Variants in STK3 observed in about 807,000 individuals in gnomAD.
STK3 encodes serine/threonine kinase 3, also known as serine/threonine-protein kinase 3.
In STK3, 41 loss-of-function variants were observed where a neutral mutation model predicts 58.0. That is an observed-to-expected ratio of 0.71 (90% CI 0.55 to 0.92). The LOEUF is 0.92. Among genes scored for constraint, STK3 ranks in the 40% least tolerant of loss-of-function variants. The pLI is 0.00. For missense variants in STK3, 479 were observed against 602.7 expected, an observed-to-expected ratio of 0.79 and a Z score of 2.15; for synonymous variants, 170 against 191.0, an observed-to-expected ratio of 0.89 and a Z score of 0.91.
chr8:98,403,819 C>T (rs1817967663), intron 3 of STK3, among the ~76,000 whole-genome samples: 1 of 152,264 alleles, frequency 6.6e-6, no homozygotes. Context: ...CCCTCCAGTG[C>T]TCTGGTAAGT....
chr8:98,658,011 T>C (rs892143539), intron 6 of STK3, among the ~76,000 whole-genome samples: 1 of 151,984 alleles, frequency 6.6e-6, no homozygotes, highest in Admixed American at 6.6e-5. Context: ...TAAAGTCACA[T>C]AATAGGAAAA....
At chr8:98,346,988 T>C in the STK3 span, among the ~76,000 whole-genome samples, 1 of 151,762 alleles carries the variant, frequency 6.6e-6, no homozygotes, top group Non-Finnish European at 1.5e-5. Context: ...TATTGTAGGG[T>C]TTACAATATA....
chr8:98,527,781 C>A (rs750722507), intron 9 of STK3, among the ~76,000 whole-genome samples: 1 of 152,172 alleles, frequency 6.6e-6, no homozygotes, highest in African/African-American at 2.4e-5. Flanking sequence ...ACACTTACAT[C>A]CATGTCTCCC....
intron 6 of STK3, among the ~76,000 whole-genome samples, chr8:98,696,139 G>T (rs1419028169): frequency 6.6e-6 from 1 of 152,204 alleles, no homozygotes; most frequent in Non-Finnish European, 1.5e-5. Flanking sequence ...GTGAATGGGA[G>T]TTCACTCATG....
chr8:98,674,965 T>G (rs925175243), intron 6 of STK3, among the ~76,000 whole-genome samples: 1 of 151,750 alleles, frequency 6.6e-6, no homozygotes, highest in African/African-American at 2.4e-5. Context: ...AATTTTAATA[T>G]GGAATTAAAT....
chr8:98,388,109 A>T (rs1817811409), intron 1 of STK3: 1 of 152,148 alleles, frequency 6.6e-6, no homozygotes, highest in Non-Finnish European at 1.5e-5. Flanking sequence ...AAACAAACTA[A>T]TCAGTTACCT....
chr8:98,576,080 G>C (rs1361453457), intron 8 of STK3, among the ~76,000 whole-genome samples: 6 of 152,278 alleles, frequency 3.9e-5, no homozygotes, highest in African/African-American at 1.4e-4. Flanking sequence ...TGCTGTATTT[G>C]ATAAAACATA....
At chr8:98,441,031 A>G (rs1046145311) in intron 1 of STK3, among the ~76,000 whole-genome samples, 1 of 152,196 alleles carries the variant, frequency 6.6e-6, no homozygotes, top group Non-Finnish European at 1.5e-5. Context: ...GTCTAGAGTC[A>G]TTGCATTTTA....
intron 10 of STK3, among the ~76,000 whole-genome samples, chr8:98,520,475 G>A (rs1825269376): frequency 6.6e-6 from 1 of 152,136 alleles, no homozygotes; most frequent in Non-Finnish European, 1.5e-5. Flanking sequence ...TCTAGCAGGT[G>A]CCTTTCCGAA....
chr8:98,622,981 C>T (rs952958253), intron 6 of STK3, among the ~76,000 whole-genome samples: 10 of 151,714 alleles, frequency 6.6e-5, no homozygotes, highest in Non-Finnish European at 1.2e-4. Flanking sequence ...ATTTACATAC[C>T]GATAAAAGAA....
At chr8:98,563,609 T>A (rs781180278) in intron 8 of STK3, among the ~76,000 whole-genome samples, 1 of 152,020 alleles carries the variant, frequency 6.6e-6, no homozygotes, top group South Asian at 2.1e-4. Context: ...CTTATTCTAG[T>A]ACTGGAACAG....
At chr8:98,780,700 A>G (rs1017600491) in intron 1 of STK3, among the ~76,000 whole-genome samples, 3 of 152,112 alleles carry the variant, frequency 2.0e-5, no homozygotes, top group African/African-American at 7.2e-5. Flanking sequence ...GATGGGCTCA[A>G]TTCTAGTCAT....
rs1301331227 is a variant in STK3 at position 98,511,957 on chromosome 8, AT to A, written c.1317+14784del. On this transcript the variant is annotated intron_variant, in intron 10 of 10. Transcript: ENST00000419617. ...AAGTGAAAAAAATCCCACTTGCATAATTTTTTTTTTAAATTTTTTAATTATT... is the reference window on the plus strand; with the variant it reads ...AAGTGAAAAAAATCCCACTTGCATAATTTTTTTTTAAATTTTTTAATTATT... Among the ~76,000 whole-genome samples the A allele has an allele frequency of 8.2e-3, 1,237 of 150,864 alleles. 16 individuals are homozygous for A. The highest frequency in any genetic ancestry group is 0.028 in the African/African-American group (1,152 of 41,216).
At chr8:98,448,905 T>C (rs1819072673) in intron 1 of STK3, among the ~76,000 whole-genome samples, 1 of 152,192 alleles carries the variant, frequency 6.6e-6, no homozygotes, top group African/African-American at 2.4e-5. Flanking sequence ...ATTAAGTAAC[T>C]TATGAATTGA....
intron 3 of STK3, chr8:98,413,603 T>C (rs753511631): frequency 1.4e-6 from 1 of 699,858 alleles, no homozygotes; most frequent in Admixed American, 1.9e-5. Flanking sequence ...TTGTTTCAAT[T>C]TGTTGGATAC....
intron 10 of STK3, among the ~76,000 whole-genome samples, chr8:98,523,967 A>G (rs186292913): frequency 1.3e-5 from 2 of 152,254 alleles, no homozygotes; most frequent in African/African-American, 4.8e-5. Flanking sequence ...TGTATTTCCT[A>G]CTAATTTTTT....
chr8:98,434,489 A>G (rs1317436876), intron 2 of STK3, among the ~76,000 whole-genome samples: 1 of 152,216 alleles, frequency 6.6e-6, no homozygotes, highest in African/African-American at 2.4e-5. Flanking sequence ...ATTTCCACCC[A>G]AGGCCCTTAC....
intron 6 of STK3, among the ~76,000 whole-genome samples, chr8:98,656,476 A>T (rs1256373098): frequency 1.4e-5 from 2 of 144,114 alleles, no homozygotes; most frequent in Non-Finnish European, 3.1e-5. Context: ...CCTAAAACTT[A>T]AAGTATAATA....
intron 10 of STK3, among the ~76,000 whole-genome samples, chr8:98,477,702 CGGGGGG>C (rs1286720911): frequency 4.4e-4 from 1 of 2,280 alleles, no homozygotes; most frequent in African/African-American, 2.1e-3. Flanking sequence ...TCACACTTGG[CGGGGGG>C]GGGGGGGGTG....
Sources: gnomAD v4.1 joint callset for allele counts (sites outside exome capture counted in the v4.1 genomes callset) on GRCh38, gnomAD v4.1.1 for gene constraint, MANE v1.5 for transcripts, NCBI Gene and HGNC (gene_info 2026-07-23, HGNC 2026-07-21) for gene names.